The following TULP3 variants were observed in gnomAD, a reference collection of about 807,000 sequenced individuals.
TULP3 encodes TUB like protein 3, also known as tubby-related protein 3.
A neutral mutation model predicts 50.7 loss-of-function variants in TULP3; 38 were observed. The observed-to-expected ratio is 0.75, with a 90% confidence interval of 0.58 to 0.98. The LOEUF (loss-of-function observed/expected upper bound fraction) is 0.98. Ranked by LOEUF, TULP3 falls within the 50% of genes least tolerant of loss-of-function variation. The pLI, the probability that TULP3 is intolerant of heterozygous loss-of-function variation, is 0.00. For missense variants in TULP3, 550 were observed against 568.0 expected (o/e 0.97, Z 0.32); for synonymous variants, 183 against 196.6 (o/e 0.93, Z 0.58).
intron 8 of TULP3, 25 bp from the exon 9 acceptor site, chr12:2,937,606 T>G (rs1171455108): frequency 6.4e-7 from 1 of 1,556,054 alleles, no homozygotes; most frequent in Non-Finnish European, 8.8e-7. Context: ...GTTTCCAAGT[T>G]CTGCTTTGTT....
At chr12:2,898,787 C>T (rs1392991858) in intron 1 of TULP3, among the ~76,000 whole-genome samples, 1 of 151,898 alleles carries the variant, frequency 6.6e-6, no homozygotes, top group Non-Finnish European at 1.5e-5. Context: ...TCAAGCAGTC[C>T]TCCTTCCTCT....
chr12:2,900,991 G>A (rs952330519), intron 1 of TULP3, among the ~76,000 whole-genome samples: 8 of 151,682 alleles, frequency 5.3e-5, no homozygotes, highest in African/African-American at 1.9e-4. Flanking sequence ...ACAGGCGTGA[G>A]CTACTGTGCC....
rs1327643543 is a variant in TULP3 at position 2,940,113 on chromosome 12, A to G, written c.*669A>G. 4 of 1,291,396 alleles carry G rather than the reference A, an allele frequency of 3.1e-6. No homozygotes were observed. Among genetic ancestry groups the G allele is most frequent in the South Asian group, 1.2e-5 (1 of 81,036 alleles). The allele number at this position is 1,291,396 out of a possible 1,614,324, so 80.0% of individuals were successfully genotyped here. A position where few individuals can be genotyped will look rare whatever the true frequency, so the allele number is the denominator to read the frequency against. The stretch of plus-strand genomic sequence containing the variant: ...ATTTTATATAATTGTCTTCATTTCA[A>G]TTAAGGCTGAAAGCATAAACTCTAG... On this transcript the variant is annotated 3_prime_UTR_variant, in exon 11 of 11. Coordinates refer to ENST00000448120, the MANE Select transcript of TULP3 (RefSeq NM_003324.5).
Position 2,939,235 on chromosome 12 carries a change from A to G in TULP3, c.1196-76A>G. ...GACAGAGCAAAACCCCATCTAAGAA[A>G]AGGAAGAAAAAGAAAAAGATTTCCC... On this transcript the variant is annotated intron_variant, in intron 10 of 10. Coordinates refer to ENST00000448120, the MANE Select transcript of TULP3 (RefSeq NM_003324.5). This position sits in a 1 kb window ranked among gnomAD's most constrained non-coding sequence, Gnocchi z 4.0. The G allele has an allele frequency of 6.6e-7, 1 of 1,522,728 alleles. No individual in the cohort carries two copies. The highest frequency in any genetic ancestry group is 9.0e-7 in the Non-Finnish European group (1 of 1,114,018). 94.3% of individuals were successfully genotyped at this position (1,522,728 alleles called of 1,614,324 possible). A position where few individuals can be genotyped will look rare whatever the true frequency, so the allele number is the denominator to read the frequency against.
intron 4 of TULP3, 47 bp from the exon 5 acceptor site, chr12:2,930,201 T>TTAA (rs769243841): frequency 2.2e-6 from 3 of 1,334,000 alleles, no homozygotes; most frequent in Admixed American, 2.1e-5. Context: ...TCAAAGACCT[T>TTAA]TTTTAAACAG....
chr12:2,931,027 G>T lies in TULP3; in HGVS notation c.493-10G>T. 1 of 1,614,048 alleles carries T rather than the reference G, an allele frequency of 6.2e-7. No homozygotes were observed. The highest frequency in any genetic ancestry group is 2.2e-5 in the East Asian group (1 of 44,880). ...GGCCTGTTGTTGCTCATGTATGGCT[G>T]TCCTTTCAGGATACAGGCACTTCCG... On this transcript the variant is annotated splice_polypyrimidine_tract_variant and intron_variant, in intron 5 of 10. Coordinates refer to ENST00000448120, the MANE Select transcript of TULP3 (RefSeq NM_003324.5).
intron 1 of TULP3, among the ~76,000 whole-genome samples, chr12:2,898,033 G>A (rs979162814): frequency 3.6e-5 from 5 of 139,980 alleles, no homozygotes; most frequent in Non-Finnish European, 6.0e-5. Flanking sequence ...AGCCAAGATC[G>A]CGCCATTGCA....
At chr12:2,918,183 G>T (rs545122265) in intron 2 of TULP3, among the ~76,000 whole-genome samples, 2 of 151,852 alleles carry the variant, frequency 1.3e-5, no homozygotes, top group African/African-American at 2.4e-5. Flanking sequence ...GTCCAATCTC[G>T]GCTCACGGCA....
intron 4 of TULP3, among the ~76,000 whole-genome samples, chr12:2,925,834 T>C (rs142774666): frequency 6.6e-6 from 1 of 152,360 alleles, no homozygotes; most frequent in East Asian, 1.9e-4. Context: ...TCTGGTTCTT[T>C]ATCCCTGACT....
rs1403795871 is a variant in TULP3 at position 2,899,158 on chromosome 12, C to T, written c.41+8170C>T. 6.6e-5 allele frequency among the ~76,000 whole-genome samples: 10 copies of T among 151,690 alleles called. 1 individual carries two copies. Among genetic ancestry groups the T allele is most frequent in the Admixed American group, 4.6e-4 (7 of 15,232 alleles). Reference sequence around the variant, plus strand: ...GTCAGGAGTTAGAGACCAGCCTGACCAACATGGAGAAACCATGTATCTACT... The same window carrying T: ...GTCAGGAGTTAGAGACCAGCCTGACTAACATGGAGAAACCATGTATCTACT... On this transcript the variant is annotated intron_variant, in intron 1 of 10. Coordinates refer to ENST00000448120, the MANE Select transcript of TULP3 (RefSeq NM_003324.5).
chr12:2,916,644 T>TA (rs2098188854), intron 2 of TULP3, among the ~76,000 whole-genome samples: 1 of 152,202 alleles, frequency 6.6e-6, no homozygotes. Context: ...TAGCCTCGTT[T>TA]AAAGCACTTT....
At chr12:2,904,232 C>T (rs1361172358) in intron 1 of TULP3, among the ~76,000 whole-genome samples, 4 of 151,930 alleles carry the variant, frequency 2.6e-5, no homozygotes, top group Non-Finnish European at 4.4e-5. Flanking sequence ...TTTTGGTGTC[C>T]GTAAATAAAG....
chr12:2,906,339 T>G (rs1465411150), intron 1 of TULP3, among the ~76,000 whole-genome samples: 1 of 151,506 alleles, frequency 6.6e-6, no homozygotes, highest in Non-Finnish European at 1.5e-5. Flanking sequence ...TTTTTTCTTT[T>G]TTTTGAGACG....
chr12:2,890,964 G>A lies in TULP3; in HGVS notation c.17G>A (p.Cys6Tyr). Residue 6 changes from cysteine to tyrosine, a missense_variant, in exon 1 of 11, where the codon TGC becomes TAC. Cys to Tyr is a radical substitution (Grantham distance 194, BLOSUM62 -2). Transcript: ENST00000448120. MEASR[C>Y]RLSPSGDSVF... Reference sequence around the variant, plus strand: ...GTGGCGGGCATGGAGGCTTCGCGCTGCCGGCTCAGTCCCAGCGGCGACAGG... The same window carrying A: ...GTGGCGGGCATGGAGGCTTCGCGCTACCGGCTCAGTCCCAGCGGCGACAGG... 2 of 1,596,378 alleles carry A rather than the reference G, an allele frequency of 1.3e-6. No homozygotes were observed. Among genetic ancestry groups the A allele is most frequent in the East Asian group, 2.3e-5 (1 of 43,514 alleles).
In TULP3 at chr12:2,940,334, AAAAAG is replaced by A; in HGVS notation, c.*891_*895del. The stretch of plus-strand genomic sequence containing the variant: ...ATTTAGTTTAGTTAAAAAAAAAAAA[AAAAAG>A]GTGGCAGGAGAGGCTTTGGGGAGGA... On this transcript the variant is annotated 3_prime_UTR_variant, in exon 11 of 11. Coordinates refer to ENST00000448120, the MANE Select transcript of TULP3 (RefSeq NM_003324.5). 1.4e-6 allele frequency: 2 copies of A among 1,465,690 alleles called. No homozygotes were observed. Among genetic ancestry groups the A allele is most frequent in the African/African-American group, 1.4e-5 (1 of 70,192 alleles). 90.8% of individuals were successfully genotyped at this position (1,465,690 alleles called of 1,614,324 possible).
chr12:2,894,488 CTG>C (rs2098174229), intron 1 of TULP3, among the ~76,000 whole-genome samples: 3 of 151,834 alleles, frequency 2.0e-5, no homozygotes, highest in Non-Finnish European at 4.4e-5. Context: ...TGAGCCAAGA[CTG>C]TGCCACTGCA....
At chr12:2,893,344 T>C (rs182197141) in intron 1 of TULP3, among the ~76,000 whole-genome samples, 1,937 of 151,108 alleles carry the variant, frequency 0.013, 51 homozygotes, top group African/African-American at 0.044. Flanking sequence ...TTTTTTTTTT[T>C]CCAAACGGAG....
At chr12:2,922,453 A>G (rs1217572529) in intron 4 of TULP3, 51 bp downstream of exon 4, 1 of 1,581,170 alleles carries the variant, frequency 6.3e-7, no homozygotes, top group South Asian at 1.2e-5. Flanking sequence ...CTCAATTGTA[A>G]TCTTTTCCTT....
At position 2,931,030 on chromosome 12, in the gene TULP3, C is replaced by A; in HGVS notation, c.493-7C>A. 6.2e-7 allele frequency: 1 copy of A among 1,614,010 alleles called. No individual in the cohort carries two copies. Among genetic ancestry groups the A allele is most frequent in the Non-Finnish European group, 8.5e-7 (1 of 1,179,980 alleles). ...CTGTTGTTGCTCATGTATGGCTGTC[C>A]TTTCAGGATACAGGCACTTCCGGTT... On this transcript the variant is annotated splice_polypyrimidine_tract_variant and splice_region_variant and intron_variant, in intron 5 of 10. Coordinates refer to ENST00000448120, the MANE Select transcript of TULP3 (RefSeq NM_003324.5).
Sources: gnomAD v4.1 joint callset for allele counts (sites outside exome capture counted in the v4.1 genomes callset) on GRCh38, gnomAD v4.1.1 for gene constraint, Gnocchi (gnomAD v3.1) non-coding constraint, MANE v1.5 for transcripts, NCBI Gene and HGNC (gene_info 2026-07-23, HGNC 2026-07-21) for gene names.